Variants in DIP2C observed in about 807,000 individuals in gnomAD.
DIP2C encodes the protein DIP2 acetate--CoA ligase C (putative), also known as disco-interacting protein 2 homolog C.
In DIP2C, 33 loss-of-function variants were observed where a neutral mutation model predicts 192.4. The ratio of observed to expected loss-of-function variants is 0.17; its 90% CI spans 0.13 to 0.23. The LOEUF is 0.23. DIP2C is among the 10% of genes least tolerant of loss of function. The pLI is 1.00. For synonymous variants in DIP2C, 979 were observed against 864.1 expected (o/e 1.13, Z -2.33); for missense variants, 1,537 against 2,110.1 (o/e 0.73, Z 5.32).
chr10:670,102 CCA>C (rs1436676601), intron 1 of DIP2C, among the ~76,000 whole-genome samples: 1 of 151,834 alleles, frequency 6.6e-6, no homozygotes, highest in Non-Finnish European at 1.5e-5. Flanking sequence ...ACACACACAT[CCA>C]CACGTGTACA....
At chr10:552,456 A>T (rs1848638307) in intron 1 of DIP2C, among the ~76,000 whole-genome samples, 2 of 152,240 alleles carry the variant, frequency 1.3e-5, no homozygotes, top group African/African-American at 4.8e-5. Context: ...ATTCGAATAC[A>T]TTAACTATAT....
At chr10:626,271 G>C (rs972915786) in intron 1 of DIP2C, among the ~76,000 whole-genome samples, 12 of 152,150 alleles carry the variant, frequency 7.9e-5, no homozygotes, top group African/African-American at 2.9e-4. Context: ...CCAGGGTGCA[G>C]AGCCAGTGAA....
At chr10:358,272 G>A (rs1237177809) in intron 22 of DIP2C, among the ~76,000 whole-genome samples, 3 of 151,630 alleles carry the variant, frequency 2.0e-5, no homozygotes, top group Non-Finnish European at 2.9e-5. Flanking sequence ...GACACACACA[G>A]AATTAAAAGC....
At chr10:682,559 G>A (rs76962356) in intron 1 of DIP2C, among the ~76,000 whole-genome samples, 4,158 of 152,112 alleles carry the variant, frequency 0.027, 178 homozygotes, top group African/African-American at 0.094. Flanking sequence ...ACATTAAAAC[G>A]ATGAAGTAGC....
At chr10:366,613 T>A (rs140083377) in intron 18 of DIP2C, among the ~76,000 whole-genome samples, 8 of 152,206 alleles carry the variant, frequency 5.3e-5, no homozygotes, top group Non-Finnish European at 1.2e-4. Context: ...TCAAATTTCA[T>A]AGTTGAAACA....
intron 1 of DIP2C, among the ~76,000 whole-genome samples, chr10:574,683 T>C (rs747682237): frequency 1.3e-5 from 2 of 152,206 alleles, no homozygotes; most frequent in Admixed American, 1.3e-4. Context: ...TTGATAAAGT[T>C]TGCCATAACC....
chr10:562,907 C>T (rs950611585), intron 1 of DIP2C, among the ~76,000 whole-genome samples: 1 of 152,226 alleles, frequency 6.6e-6, no homozygotes, highest in African/African-American at 2.4e-5. Flanking sequence ...ACAAGCCTGG[C>T]TGCTTAAAAG....
chr10:490,327 A>C (rs995445432), intron 1 of DIP2C, among the ~76,000 whole-genome samples: 14 of 152,200 alleles, frequency 9.2e-5, no homozygotes, highest in Non-Finnish European at 4.4e-5. Context: ...CAGCTACGTA[A>C]ACTAAAGGCG....
At chr10:645,076 A>G (rs1855382099) in intron 1 of DIP2C, among the ~76,000 whole-genome samples, 1 of 152,204 alleles carries the variant, frequency 6.6e-6, no homozygotes, top group Non-Finnish European at 1.5e-5. Context: ...CATCATGGAA[A>G]TAAAGGGGAA....
intron 1 of DIP2C, among the ~76,000 whole-genome samples, chr10:560,176 T>C (rs1849127337): frequency 6.6e-6 from 1 of 152,118 alleles, no homozygotes; most frequent in South Asian, 2.1e-4. Flanking sequence ...CAGTGTCCAC[T>C]GATCATCCCT....
chr10:620,859 A>G (rs1853807404), intron 1 of DIP2C, among the ~76,000 whole-genome samples: 1 of 152,254 alleles, frequency 6.6e-6, no homozygotes, highest in African/African-American at 2.4e-5. Flanking sequence ...TGCAACTCTC[A>G]AAACCATTTT....
intron 1 of DIP2C, among the ~76,000 whole-genome samples, chr10:534,865 A>G (rs1280316198): frequency 4.7e-5 from 7 of 150,234 alleles, no homozygotes; most frequent in Middle Eastern, 3.4e-3. Flanking sequence ...TTTAGTAGAG[A>G]CGGGGTTTCA....
chr10:491,966 G>A (rs989486489), intron 1 of DIP2C, among the ~76,000 whole-genome samples: 2 of 151,886 alleles, frequency 1.3e-5, no homozygotes, highest in East Asian at 1.9e-4. Context: ...ACAGGGGCTA[G>A]GAGGAATCTC....
At chr10:291,658 A>C (rs1256808096) in intron 32 of DIP2C, among the ~76,000 whole-genome samples, 1 of 152,220 alleles carries the variant, frequency 6.6e-6, no homozygotes, top group Non-Finnish European at 1.5e-5. Flanking sequence ...GGCTGAGTTA[A>C]GACCCGGGTC....
chr10:660,610 G>A (rs1856697270), intron 1 of DIP2C, among the ~76,000 whole-genome samples: 1 of 152,226 alleles, frequency 6.6e-6, no homozygotes, highest in Admixed American at 6.5e-5. Context: ...TTAAAAGGAT[G>A]ACTTTTAAAA....
At chr10:628,603 G>T in intron 1 of DIP2C, 1 of 152,798 alleles carries the variant, frequency 6.5e-6, no homozygotes. Flanking sequence ...GCGGGGACAC[G>T]GCACAGACCG....
intron 17 of DIP2C, among the ~76,000 whole-genome samples, chr10:372,443 T>C (rs1182598355): frequency 6.6e-6 from 1 of 152,218 alleles, no homozygotes; most frequent in Admixed American, 6.5e-5. Flanking sequence ...TAATTGAATA[T>C]GTTAAGATTA....
At chr10:317,594 A>T (rs1177427264) in intron 31 of DIP2C, among the ~76,000 whole-genome samples, 1 of 152,224 alleles carries the variant, frequency 6.6e-6, no homozygotes, top group Admixed American at 6.5e-5. Context: ...GACATAGACT[A>T]AAAGCCAGGC....
At chr10:579,434 T>C (rs1191138559) in intron 1 of DIP2C, among the ~76,000 whole-genome samples, 1 of 151,650 alleles carries the variant, frequency 6.6e-6, no homozygotes, top group Non-Finnish European at 1.5e-5. Flanking sequence ...ATAGGTACAC[T>C]ATAACACATG....
Sources: allele counts gnomAD v4.1 joint callset (sites outside exome capture counted in the v4.1 genomes callset), GRCh38; gene constraint gnomAD v4.1.1; transcripts MANE v1.5; gene names NCBI Gene and HGNC (gene_info 2026-07-23, HGNC 2026-07-21).